Variants in RAB27A observed in about 807,000 individuals in gnomAD.
RAB27A encodes the protein RAB27A, member RAS oncogene family.
In RAB27A, 17 loss-of-function variants were observed where a neutral mutation model predicts 20.8. That is an observed-to-expected ratio of 0.82 (90% CI 0.56 to 1.23). The LOEUF is 1.23. Ranked by LOEUF, RAB27A falls within the 50% of genes most tolerant of loss-of-function variation. The probability of loss-of-function intolerance (pLI) is 0.00; values close to 1 mark genes in which losing one functional copy is unlikely to be tolerated. For synonymous variants in RAB27A, 85 were observed against 92.8 expected, an observed-to-expected ratio of 0.92 and a Z score of 0.48; for missense variants, 277 against 266.7, an observed-to-expected ratio of 1.04 and a Z score of -0.27.
chr15:55,276,807 TTG>T (rs1566933667), intron 1 of RAB27A, among the ~76,000 whole-genome samples: 1 of 152,182 alleles, frequency 6.6e-6, no homozygotes, highest in Non-Finnish European at 1.5e-5. Flanking sequence ...CCAGTGTTAA[TTG>T]TTCTTACCAC....
chr15:55,284,672 T>C (rs938723875), intron 1 of RAB27A, among the ~76,000 whole-genome samples: 2 of 152,090 alleles, frequency 1.3e-5, no homozygotes, highest in African/African-American at 4.8e-5. Context: ...GCTAGAGATG[T>C]GATTAAAGGT....
intron 2 of RAB27A, among the ~76,000 whole-genome samples, chr15:55,307,687 A>G (rs1439515538): frequency 6.6e-6 from 1 of 150,982 alleles, no homozygotes; most frequent in African/African-American, 2.4e-5. Context: ...ATCTACCCAG[A>G]CTAGTAGACA....
chr15:55,261,547 G>GT (rs1457580472), intron 2 of RAB27A, among the ~76,000 whole-genome samples: 5 of 149,396 alleles, frequency 3.3e-5, no homozygotes, highest in Non-Finnish European at 7.4e-5. Flanking sequence ...GGCCAACACG[G>GT]TGAAACCCCA....
At chr15:55,222,634 C>T (rs765990699) in intron 6 of RAB27A, among the ~76,000 whole-genome samples, 8 of 152,138 alleles carry the variant, frequency 5.3e-5, no homozygotes, top group African/African-American at 1.4e-4. Flanking sequence ...TCCCTTCCCA[C>T]TATAAACCCT....
rs564403582 is a variant in RAB27A, at chr15:55,213,854, A to G, written c.468-8149T>C. On this transcript the variant is annotated intron_variant, in intron 6 of 6. Coordinates refer to ENST00000336787, the MANE Select transcript of RAB27A (RefSeq NM_183235.3). ...TATAATTATTTCATTATATATGGCA[A>G]TGTAATGATAATAGAAATAAAGTGC... Among the ~76,000 whole-genome samples the G allele has an allele frequency of 2.6e-5, 4 of 152,314 alleles. No individual in the cohort carries two copies. The South Asian group carries it at 8.3e-4, about 32-fold the overall frequency.
At position 55,253,823 on chromosome 15, in the gene RAB27A, T is replaced by C. The variant is rs144842437; in HGVS notation, c.-23+16342A>G. On this transcript the variant is annotated intron_variant, in intron 2 of 6. Transcript: ENST00000336787. ...AGACTTTGTGTTAGCAAAGAGACTA[T>C]GAATCAGCAAGAGAACAACGCAAGA... Among the ~76,000 whole-genome samples, 197 of 151,662 alleles carry C rather than the reference T, an allele frequency of 1.3e-3. 1 individual carries two copies. Among genetic ancestry groups the C allele is most frequent in the Middle Eastern group, 3.4e-3 (1 of 290 alleles).
chr15:55,280,705 T>C (rs1343024091), intron 1 of RAB27A, among the ~76,000 whole-genome samples: 3 of 151,802 alleles, frequency 2.0e-5, no homozygotes, highest in Non-Finnish European at 4.4e-5. Context: ...CCCCTTCCTG[T>C]ATCCAAGTGA....
intron 2 of RAB27A, among the ~76,000 whole-genome samples, chr15:55,240,723 A>G (rs1304334994): frequency 1.3e-5 from 2 of 152,164 alleles, no homozygotes; most frequent in Non-Finnish European, 2.9e-5. Context: ...TGGGCTCCTC[A>G]CCTGTAAAAC....
Position 55,318,637 on chromosome 15 carries a change from G to A in RAB27A, c.-234+294C>T, listed in dbSNP as rs1308124235. Among the ~76,000 whole-genome samples the A allele has an allele frequency of 2.0e-5, 3 of 150,138 alleles. No homozygotes were observed. The East Asian group carries it at 6.0e-4, about 30-fold the overall frequency. On this transcript the variant is annotated intron_variant, in intron 1 of 5. Coordinates refer to the RAB27A transcript ENST00000563262. ...AATCACTGGAACCCGGGAGGCAGAA[G>A]TTGCAGTGAGCCCAGATTGCGCCAC...
intron 1 of RAB27A, among the ~76,000 whole-genome samples, chr15:55,316,285 A>G (rs1595758919): frequency 6.6e-6 from 1 of 152,084 alleles, no homozygotes; most frequent in Admixed American, 6.6e-5. Context: ...ACATGGATGA[A>G]GCTGGAAACC....
At chr15:55,206,511 A>G (rs548838168) in intron 6 of RAB27A, among the ~76,000 whole-genome samples, 2 of 151,874 alleles carry the variant, frequency 1.3e-5, no homozygotes, top group South Asian at 2.1e-4. Context: ...CTGGCTAATT[A>G]TTGTATTTTT....
At chr15:55,294,470 C>A (rs1426446072), upstream of RAB27A, among the ~76,000 whole-genome samples, 1 of 151,550 alleles carries the variant, frequency 6.6e-6, no homozygotes, top group Non-Finnish European at 1.5e-5. Flanking sequence ...CACCTGTAGT[C>A]CCAACTACTC....
At chr15:55,252,835 C>G (rs1896940873) in intron 2 of RAB27A, among the ~76,000 whole-genome samples, 1 of 152,126 alleles carries the variant, frequency 6.6e-6, no homozygotes, top group African/African-American at 2.4e-5. Context: ...CTCTGCCAAC[C>G]AGTTTGAAAG....
rs541536558 is a variant in RAB27A, at chr15:55,315,504, T to C, written c.-233-1344A>G. Reference sequence around the variant, plus strand: ...AATGGGAGAAAATTTTCGTAATCTATCCATCTGACAAAGGGCTAATATCCA... The same window carrying C: ...AATGGGAGAAAATTTTCGTAATCTACCCATCTGACAAAGGGCTAATATCCA... On this transcript the variant is annotated intron_variant, in intron 1 of 5. Coordinates refer to the RAB27A transcript ENST00000563262. Among the ~76,000 whole-genome samples the C allele has an allele frequency of 2.0e-5, 3 of 152,166 alleles. No homozygotes were observed. The South Asian group carries it at 6.2e-4, about 32-fold the overall frequency.
Position 55,205,277 on chromosome 15 carries a change from C to T in RAB27A, c.*230G>A, listed in dbSNP as rs1006277490. 3.4e-6 allele frequency: 2 copies of T among 582,184 alleles called. No individual in the cohort carries two copies. Among genetic ancestry groups the T allele is most frequent in the African/African-American group, 1.9e-5 (1 of 53,386 alleles). The allele number at this position is 582,184 out of a possible 1,614,324, so 36.1% of individuals were successfully genotyped here. A position where few individuals can be genotyped will look rare whatever the true frequency, so the allele number is the denominator to read the frequency against. On this transcript the variant is annotated 3_prime_UTR_variant, in exon 7 of 7. Transcript: ENST00000336787. ...TAATAGGCTAAGGTTGTATAAGGCACTTTTGGCTCTGAAATATTTCTCCTA... is the reference window on the plus strand; with the variant it reads ...TAATAGGCTAAGGTTGTATAAGGCATTTTTGGCTCTGAAATATTTCTCCTA...
chr15:55,224,289 G>T (rs549303872), intron 5 of RAB27A, among the ~76,000 whole-genome samples: 1 of 152,150 alleles, frequency 6.6e-6, no homozygotes, highest in Non-Finnish European at 1.5e-5. Context: ...ATGTGCACAC[G>T]CACACATATG....
At chr15:55,249,577 G>A (rs530741064) in intron 2 of RAB27A, among the ~76,000 whole-genome samples, 1 of 152,252 alleles carries the variant, frequency 6.6e-6, no homozygotes, top group South Asian at 2.1e-4. Context: ...CACCATGCCC[G>A]GGCTGAATTA....
chr15:55,231,326 C>T (rs1041375156), intron 3 of RAB27A, among the ~76,000 whole-genome samples: 2 of 152,102 alleles, frequency 1.3e-5, no homozygotes, highest in African/African-American at 2.4e-5. Flanking sequence ...CTTGTCCCAT[C>T]CCAAATTTTA....
At position 55,205,490 on chromosome 15, in the gene RAB27A, G is replaced by T. The variant is rs538855100; in HGVS notation, c.*17C>A. On this transcript the variant is annotated 3_prime_UTR_variant, in exon 7 of 7. Transcript: ENST00000336787. ...AGGCATGGGCCACCTGAACTACTAT[G>T]TCGCTTACTTGACTTCTCAACAGCC... The T allele has an allele frequency of 6.2e-7, 1 of 1,610,898 alleles. No homozygotes were observed. The highest frequency in any genetic ancestry group is 8.5e-7 in the Non-Finnish European group (1 of 1,177,070).
Sources: gnomAD v4.1 joint callset for allele counts (sites outside exome capture counted in the v4.1 genomes callset) on GRCh38, gnomAD v4.1.1 for gene constraint, MANE v1.5 for transcripts, NCBI Gene and HGNC (gene_info 2026-07-23, HGNC 2026-07-21) for gene names.